Variants in RP1L1 observed in about 807,000 individuals in gnomAD.
RP1L1 encodes the protein retinitis pigmentosa 1-like 1 protein.
RP1L1 carries 27 observed loss-of-function variants against 15.7 expected under a neutral mutation model. That is an observed-to-expected ratio of 1.72 (90% CI 1.27 to 2.38). RP1L1 has a LOEUF of 2.38. Among genes scored for constraint, RP1L1 ranks in the 30% most tolerant of loss-of-function variants. The pLI is 0.00. For missense variants in RP1L1, 4,798 were observed against 3,075.9 expected, an observed-to-expected ratio of 1.56 and a Z score of -13.24; for synonymous variants, 1,813 against 1,276.7, an observed-to-expected ratio of 1.42 and a Z score of -8.96.
At chr8:10,639,019 C>T (rs1445665169) in intron 1 of RP1L1, among the ~76,000 whole-genome samples, 1 of 151,968 alleles carries the variant, frequency 6.6e-6, no homozygotes, top group Admixed American at 6.6e-5. Context: ...GTGGTGCATG[C>T]CTGTAATCTC....
intron 1 of RP1L1, among the ~76,000 whole-genome samples, chr8:10,650,970 T>C (rs1482833288): frequency 6.6e-6 from 1 of 152,226 alleles, no homozygotes; most frequent in African/African-American, 2.4e-5. Context: ...AGTGAGCAAG[T>C]GAAAGCTAAA....
rs142027144 is a variant in RP1L1 at position 10,624,829 on chromosome 8, C to T, written c.-19-1609G>A. ...CACGAGCCGACAATTCTCTCCTTGG[C>T]TGAGTGGGTTTGAGTTGGGGTTTCT... On this transcript the variant is annotated intron_variant, in intron 1 of 3. Coordinates refer to ENST00000382483, the MANE Select transcript of RP1L1 (RefSeq NM_178857.6). Among the ~76,000 whole-genome samples the T allele has an allele frequency of 4.4e-3, 668 of 152,294 alleles. 7 individuals are homozygous for T. Among genetic ancestry groups the T allele is most frequent in the South Asian group, 0.026 (124 of 4,826 alleles).
At chr8:10,625,328 G>A (rs918901794) in intron 1 of RP1L1, among the ~76,000 whole-genome samples, 3 of 152,188 alleles carry the variant, frequency 2.0e-5, no homozygotes, top group Non-Finnish European at 4.4e-5. Flanking sequence ...GAGGGAGAAG[G>A]CTCTTCCTCC....
At chr8:10,640,826 A>G (rs1045760156) in intron 1 of RP1L1, among the ~76,000 whole-genome samples, 2 of 152,244 alleles carry the variant, frequency 1.3e-5, no homozygotes, top group South Asian at 4.2e-4. Context: ...GCTGGAGTAC[A>G]ATGGCGTAAA....
At chr8:10,615,385 G>A (rs1001046305) in intron 3 of RP1L1, among the ~76,000 whole-genome samples, 1 of 152,174 alleles carries the variant, frequency 6.6e-6, no homozygotes, top group Admixed American at 6.5e-5. Flanking sequence ...ATGGTTGGTT[G>A]TATGGATGGA....
chr8:10,611,558 C>G lies in RP1L1; in HGVS notation c.2540G>C (p.Trp847Ser), dbSNP rs1797855609. The G allele has an allele frequency of 6.2e-7, 1 of 1,601,250 alleles. No individual in the cohort carries two copies. The highest frequency in any genetic ancestry group is 1.3e-5 in the African/African-American group (1 of 74,812). Residue 847 changes from tryptophan (W) to serine (S), a missense_variant, in exon 4 of 4, where the codon TGG becomes TCG. Physicochemically the swap from Trp to Ser is radical, Grantham distance 177. Transcript: ENST00000382483. ...AQRGPSPEASWLCGRYCPTPP... is the reference protein window; with the variant it reads ...AQRGPSPEASSLCGRYCPTPP... ...GGTGGGACAGTACCTGCCACACAGC[C>G]AGCTAGCCTCAGGGGAGGGTCCCCG...
At chr8:10,642,562 A>T (rs1325873868) in intron 1 of RP1L1, among the ~76,000 whole-genome samples, 1 of 152,248 alleles carries the variant, frequency 6.6e-6, no homozygotes, top group East Asian at 1.9e-4. Context: ...TCACAGAGAC[A>T]TCATAGCAGC....
At chr8:10,648,553 C>T (rs1206842845) in intron 1 of RP1L1, among the ~76,000 whole-genome samples, 5 of 152,108 alleles carry the variant, frequency 3.3e-5, no homozygotes, top group Non-Finnish European at 7.3e-5. Context: ...CGTTTCCAAG[C>T]TTTTAAAATA....
At chr8:10,644,746 G>A (rs1473663005) in intron 1 of RP1L1, among the ~76,000 whole-genome samples, 1 of 152,164 alleles carries the variant, frequency 6.6e-6, no homozygotes, top group Non-Finnish European at 1.5e-5. Context: ...AGCCACCCCA[G>A]GAACGCAGCC....
chr8:10,636,745 C>A (rs1013059141), intron 1 of RP1L1, among the ~76,000 whole-genome samples: 1 of 152,238 alleles, frequency 6.6e-6, no homozygotes, highest in Non-Finnish European at 1.5e-5. Context: ...ACATGCTCTT[C>A]GCTGGGATTA....
At chr8:10,631,279 GCA>G (rs1055548593) in intron 1 of RP1L1, among the ~76,000 whole-genome samples, 35 of 143,944 alleles carry the variant, frequency 2.4e-4, no homozygotes, top group South Asian at 2.0e-3. Context: ...AAACACGCAT[GCA>G]CACACACGCA....
intron 1 of RP1L1, among the ~76,000 whole-genome samples, chr8:10,626,601 G>A (rs116105160): frequency 2.0e-5 from 3 of 151,964 alleles, no homozygotes; most frequent in African/African-American, 4.8e-5. Flanking sequence ...TAAGAGCACT[G>A]GTATTTTACA....
intron 3 of RP1L1, among the ~76,000 whole-genome samples, chr8:10,614,462 C>A (rs962016463): frequency 6.6e-6 from 1 of 152,026 alleles, no homozygotes; most frequent in South Asian, 2.1e-4. Context: ...GAGTTCAAGA[C>A]CAGCCTGGCC....
Position 10,612,961 on chromosome 8 carries a change from A to C in RP1L1, c.1137T>G (p.Pro379=), listed in dbSNP as rs1379851231. 1 of 1,612,992 alleles carries C rather than the reference A, an allele frequency of 6.2e-7. No homozygotes were observed. Among genetic ancestry groups the C allele is most frequent in the African/African-American group, 1.3e-5 (1 of 74,944 alleles). The part of the protein sequence containing the change: ...WEGYPWGFSE[P]GVWGPRPCRV... ...TGCAGGGCCGGGGTCCCCACACCCC[A>C]GGCTCTGAGAAGCCCCAAGGGTAGC... The change falls in exon 4 of 4, where the codon CCT becomes CCG. Residue 379 remains proline, a synonymous_variant. Coordinates refer to ENST00000382483, the MANE Select transcript of RP1L1 (RefSeq NM_178857.6).
At chr8:10,641,970 G>A (rs1445775823) in intron 1 of RP1L1, among the ~76,000 whole-genome samples, 2 of 152,102 alleles carry the variant, frequency 1.3e-5, no homozygotes, top group Admixed American at 6.5e-5. Context: ...GGCTATAAGA[G>A]GCAGCAGGAG....
Position 10,612,904 on chromosome 8 carries a change from G to T in RP1L1, c.1194C>A (p.Gly398=), listed in dbSNP as rs368122675. 1.2e-6 allele frequency: 2 copies of T among 1,612,572 alleles called. No homozygotes were observed. The highest frequency in any genetic ancestry group is 2.7e-5 in the African/African-American group (2 of 74,814). The change falls in exon 4 of 4, where the codon GGC becomes GGA. Residue 398 remains glycine, a synonymous_variant. Coordinates refer to ENST00000382483, the MANE Select transcript of RP1L1 (RefSeq NM_178857.6). ...TTTCATACTTGGGCCCTGGCTGCCC[G>T]CCTCGGCCAAAGACTTCCCTGCATC... ...RVGCREVFGR[G]GQPGPKYEIW...
chr8:10,621,676 G>A (rs1298227185), intron 2 of RP1L1: 7 of 482,118 alleles, frequency 1.5e-5, no homozygotes, highest in South Asian at 1.1e-4. Context: ...ATGTTAAGGA[G>A]CAACAGGACT....
intron 2 of RP1L1, among the ~76,000 whole-genome samples, chr8:10,618,259 GGGGGCCGAGGT>G (rs1351244668): frequency 6.6e-6 from 1 of 152,144 alleles, no homozygotes; most frequent in Admixed American, 6.5e-5. Flanking sequence ...CAGCACTTTG[GGGGGCCGAGGT>G]GGGTAGATCC....
Position 10,627,648 on chromosome 8 carries a change from T to TA in RP1L1, c.-19-4429dup, listed in dbSNP as rs58493809. On this transcript the variant is annotated intron_variant, in intron 1 of 3. Coordinates refer to ENST00000382483, the MANE Select transcript of RP1L1 (RefSeq NM_178857.6). The stretch of plus-strand genomic sequence containing the variant: ...GTGTATTTTATCACAATACGAGATA[T>TA]AAAAAAAAAAGTAAAAATATTTAAA... 3.3e-5 allele frequency among the ~76,000 whole-genome samples: 5 copies of TA among 149,784 alleles called. 1 individual carries two copies. Among genetic ancestry groups the TA allele is most frequent in the African/African-American group, 1.2e-4 (5 of 40,394 alleles).
Sources: gnomAD v4.1 joint callset for allele counts (sites outside exome capture counted in the v4.1 genomes callset) on GRCh38, gnomAD v4.1.1 for gene constraint, MANE v1.5 for transcripts, NCBI Gene and HGNC (gene_info 2026-07-23, HGNC 2026-07-21) for gene names.